The following GULP1 variants were observed in gnomAD, a reference collection of about 807,000 sequenced individuals.
GULP1 encodes the protein GULP PTB domain containing engulfment adaptor 1.
Under a neutral mutation model 40.9 loss-of-function variants are expected in GULP1, and 19 were observed. That is an observed-to-expected ratio of 0.46 (90% CI 0.32 to 0.68). The LOEUF is 0.68. Among genes scored for constraint, GULP1 ranks in the 30% least tolerant of loss-of-function variants. The pLI is 0.03. For missense variants in GULP1, 312 were observed against 362.2 expected (o/e 0.86, Z 1.12); for synonymous variants, 119 against 117.6 (o/e 1.01, Z -0.08).
intron 2 of GULP1, among the ~76,000 whole-genome samples, chr2:188,386,219 A>T (rs979203998): frequency 2.6e-5 from 4 of 152,184 alleles, no homozygotes; most frequent in African/African-American, 9.7e-5. Flanking sequence ...ACAGCAGCAG[A>T]CAAGAGAAGA....
At chr2:188,403,804 T>C (rs2052657154) in intron 2 of GULP1, among the ~76,000 whole-genome samples, 1 of 152,162 alleles carries the variant, frequency 6.6e-6, no homozygotes, top group Non-Finnish European at 1.5e-5. Flanking sequence ...CATTGCTAAG[T>C]TGGGACACAG....
intron 2 of GULP1, among the ~76,000 whole-genome samples, chr2:188,466,983 AAAAG>A: frequency 6.6e-6 from 1 of 152,314 alleles, no homozygotes; most frequent in Middle Eastern, 3.4e-3. Context: ...GAAGAAAAAA[AAAAG>A]TAGCAGCTGT....
chr2:188,513,120 A>G (rs4667230), intron 4 of GULP1, among the ~76,000 whole-genome samples: 148,333 of 152,190 alleles, frequency 0.97, 72,416 homozygotes, highest in East Asian at 1. Flanking sequence ...ATAAAATTAT[A>G]TCTATAGTAT....
intron 11 of GULP1, chr2:188,590,410 G>A (rs1234885687): frequency 1.3e-5 from 2 of 152,112 alleles, no homozygotes; most frequent in Non-Finnish European, 2.9e-5. Context: ...CAGACATTTA[G>A]CTATCTTTGC....
At chr2:188,568,452 T>C (rs1380656448) in intron 7 of GULP1, among the ~76,000 whole-genome samples, 1 of 152,198 alleles carries the variant, frequency 6.6e-6, no homozygotes, top group Non-Finnish European at 1.5e-5. Flanking sequence ...GAAATGAGCT[T>C]GTGGATGTAA....
chr2:188,513,983 C>A (rs1041143566), intron 4 of GULP1, among the ~76,000 whole-genome samples: 12 of 151,204 alleles, frequency 7.9e-5, no homozygotes, highest in African/African-American at 2.7e-4. Context: ...CCTGTTTCCT[C>A]CCATATTCCA....
At chr2:188,553,055 T>A (rs568559314) in intron 7 of GULP1, among the ~76,000 whole-genome samples, 47 of 152,092 alleles carry the variant, frequency 3.1e-4, no homozygotes, top group Non-Finnish European at 6.3e-4. Context: ...TCCATCTTAC[T>A]AAATTCATTT....
chr2:188,372,611 T>C (rs1382251346), intron 1 of GULP1, among the ~76,000 whole-genome samples: 2 of 152,036 alleles, frequency 1.3e-5, no homozygotes, highest in Admixed American at 1.3e-4. Flanking sequence ...TTAGGTATTA[T>C]TAACATCATT....
chr2:188,394,626 A>T (rs1404384105), intron 2 of GULP1, among the ~76,000 whole-genome samples: 1 of 151,646 alleles, frequency 6.6e-6, no homozygotes, highest in Non-Finnish European at 1.5e-5. Context: ...TGCCAGAATT[A>T]TTTTTCTGGT....
chr2:188,413,800 AGAGCTAAGGCTTACCCTTTTCAT>A (rs2152728829), intron 2 of GULP1, among the ~76,000 whole-genome samples: 1 of 152,316 alleles, frequency 6.6e-6, no homozygotes, highest in African/African-American at 2.4e-5. Flanking sequence ...ATTTATTGAG[AGAGCTAAGGCTTACCCTTTTCAT>A]ATAGGTGGGT....
intron 2 of GULP1, among the ~76,000 whole-genome samples, chr2:188,432,352 T>C (rs898650609): frequency 6.6e-6 from 1 of 151,822 alleles, no homozygotes; most frequent in Non-Finnish European, 1.5e-5. Context: ...AAAACTGAGA[T>C]ATTAGAAAAA....
intron 4 of GULP1, among the ~76,000 whole-genome samples, chr2:188,496,172 A>T (rs758133675): frequency 6.6e-6 from 1 of 152,118 alleles, no homozygotes; most frequent in East Asian, 1.9e-4. Flanking sequence ...GCAGGTTCAG[A>T]TAAGCGATAG....
At chr2:188,518,372 C>T (rs920385254) in intron 4 of GULP1, among the ~76,000 whole-genome samples, 1 of 152,010 alleles carries the variant, frequency 6.6e-6, no homozygotes, top group African/African-American at 2.4e-5. Flanking sequence ...TATACCTTAG[C>T]GTTTACCTCA....
chr2:188,305,513 C>G (rs1434247480), intron 1 of GULP1, among the ~76,000 whole-genome samples: 3 of 152,108 alleles, frequency 2.0e-5, no homozygotes, highest in Non-Finnish European at 4.4e-5. Flanking sequence ...TTTTGATTCA[C>G]AATCAGATTA....
intron 7 of GULP1, among the ~76,000 whole-genome samples, chr2:188,556,851 G>A (rs111315148): frequency 0.022 from 3,358 of 152,020 alleles, 111 homozygotes; most frequent in African/African-American, 0.076. Flanking sequence ...GTGAAACCCC[G>A]TCTCTACTAA....
At chr2:188,313,438 A>G (rs1167494919) in intron 1 of GULP1, among the ~76,000 whole-genome samples, 2 of 152,036 alleles carry the variant, frequency 1.3e-5, no homozygotes, top group African/African-American at 4.8e-5. Context: ...TTGTGGGGTT[A>G]TTTCTGAAGT....
At chr2:188,552,353 TA>T (rs1559371088) in intron 7 of GULP1, among the ~76,000 whole-genome samples, 1 of 151,680 alleles carries the variant, frequency 6.6e-6, no homozygotes, top group African/African-American at 2.4e-5. Context: ...TATATGGTGA[TA>T]GGGGTCCAGT....
chr2:188,417,167 C>T (rs2054691464), intron 2 of GULP1, among the ~76,000 whole-genome samples: 1 of 152,156 alleles, frequency 6.6e-6, no homozygotes, highest in African/African-American at 2.4e-5. Context: ...TGCCTTGTCT[C>T]ATTTATTATG....
At chr2:188,537,909 G>T (rs1295120311) in intron 6 of GULP1, among the ~76,000 whole-genome samples, 1 of 151,990 alleles carries the variant, frequency 6.6e-6, no homozygotes, top group Non-Finnish European at 1.5e-5. Context: ...CTGATTCAAT[G>T]TTGGGAGGTT....
Sources: allele counts gnomAD v4.1 joint callset (sites outside exome capture counted in the v4.1 genomes callset), GRCh38; gene constraint gnomAD v4.1.1; transcripts MANE v1.5; gene names NCBI Gene and HGNC (gene_info 2026-07-23, HGNC 2026-07-21).